ZBTB24: variants seen among roughly 807,000 people sequenced by gnomAD.
ZBTB24 encodes the protein zinc finger and BTB domain containing 24, also known as zinc finger and BTB domain-containing protein 24.
A neutral mutation model predicts 53.8 loss-of-function variants in ZBTB24; 32 were observed. That is an observed-to-expected ratio of 0.60 (90% confidence interval 0.45 to 0.80). The LOEUF is 0.80. ZBTB24 is among the 30% of genes least tolerant of loss of function. The pLI is 0.00. For synonymous variants in ZBTB24, 297 were observed against 306.7 expected, an observed-to-expected ratio of 0.97 and a Z score of 0.33; for missense variants, 722 against 837.1, an observed-to-expected ratio of 0.86 and a Z score of 1.70.
In ZBTB24 at chr6:109,482,001, G is replaced by A; in HGVS notation, c.26C>T (p.Ser9Phe). The part of the protein sequence containing the change: MAETSPEP[S>F]GQLVVHSDAH... ...GTCTGAGTGTACAACAAGCTGCCCA[G>A]AAGGCTCTGGCGATGTTTCTGCCAT... Residue 9 changes from serine to phenylalanine, a missense_variant, in exon 2 of 7, where the codon TCT becomes TTT. Ser to Phe is a radical substitution (Grantham distance 155, BLOSUM62 -2). Coordinates refer to ENST00000230122, the MANE Select transcript of ZBTB24 (RefSeq NM_014797.3). 6.2e-7 allele frequency: 1 copy of A among 1,614,208 alleles called. No homozygotes were observed. Among genetic ancestry groups the A allele is most frequent in the Non-Finnish European group, 8.5e-7 (1 of 1,180,044 alleles).
rs370325706 is a variant in ZBTB24 at position 109,476,886 on chromosome 6, G to A, written c.997C>T (p.Gln333Ter). 4 of 1,614,106 alleles carry A rather than the reference G, an allele frequency of 2.5e-6. No homozygotes were observed. Among genetic ancestry groups the A allele is most frequent in the Non-Finnish European group, 2.5e-6 (3 of 1,180,022 alleles). Reference sequence around the variant, plus strand: ...GTGTGGACCTGTAGCGAGTGCTTCTGGGCAAAGCCTTTTCCACACTCATTA... The same window carrying A: ...GTGTGGACCTGTAGCGAGTGCTTCTAGGCAAAGCCTTTTCCACACTCATTA... ...KCNECGKGFA[Q>*]KHSLQVHTRM... The change falls in exon 3 of 7, where the codon CAG (glutamine) becomes TAG (stop). Residue 333 changes from glutamine to a stop codon, truncating the protein, a stop_gained. Transcript: ENST00000230122. LOFTEE classifies it high-confidence loss of function.
chr6:109,475,749 G>T (rs1582677519), intron 4 of ZBTB24, among the ~76,000 whole-genome samples: 1 of 152,162 alleles, frequency 6.6e-6, no homozygotes. Flanking sequence ...GGCCACAAAT[G>T]ACCTCAAATG....
chr6:109,465,285 G>T lies in ZBTB24; in HGVS notation c.*566C>A. 1 of 241,238 alleles carries T rather than the reference G, an allele frequency of 4.1e-6. No homozygotes were observed. Among genetic ancestry groups the T allele is most frequent in the South Asian group, 6.9e-5 (1 of 14,410 alleles). 14.9% of individuals were successfully genotyped at this position (241,238 alleles called of 1,614,324 possible). A position where few individuals can be genotyped will look rare whatever the true frequency, so the allele number is the denominator to read the frequency against. On this transcript the variant is annotated 3_prime_UTR_variant, in exon 7 of 7. Transcript: ENST00000230122. ...GTTAACACAATAAGCCCACTGTACT[G>T]CATAAAGATAAAACGTTGAGGGTTA...
At chr6:109,472,824 C>T (rs1024751454) in intron 5 of ZBTB24, among the ~76,000 whole-genome samples, 1 of 152,150 alleles carries the variant, frequency 6.6e-6, no homozygotes, top group Non-Finnish European at 1.5e-5. Flanking sequence ...TGGCTTTTGC[C>T]TCCTCTTTCA....
At chr6:109,482,782 C>A (rs896288829) in intron 1 of ZBTB24, among the ~76,000 whole-genome samples, 3 of 152,212 alleles carry the variant, frequency 2.0e-5, no homozygotes, top group Non-Finnish European at 4.4e-5. Flanking sequence ...GCCTCCATCT[C>A]CCAGATTATT....
At chr6:109,474,666 A>G (rs570735802) in intron 5 of ZBTB24, among the ~76,000 whole-genome samples, 1 of 151,966 alleles carries the variant, frequency 6.6e-6, no homozygotes, top group Non-Finnish European at 1.5e-5. Flanking sequence ...CCCGGGAGGC[A>G]GAGGTTGCAG....
intron 2 of ZBTB24, among the ~76,000 whole-genome samples, chr6:109,480,208 C>G (rs1196413343): frequency 6.6e-6 from 1 of 152,004 alleles, no homozygotes; most frequent in East Asian, 1.9e-4. Context: ...GACTTAAGCC[C>G]CAGTCCCTAT....
At position 109,481,856 on chromosome 6, in the gene ZBTB24, G is replaced by C; in HGVS notation, c.171C>G (p.Ala57=). 3.1e-6 allele frequency: 5 copies of C among 1,614,174 alleles called. No homozygotes were observed. Among genetic ancestry groups the C allele is most frequent in the Non-Finnish European group, 4.2e-6 (5 of 1,180,038 alleles). Residue 57 remains alanine (A), a synonymous_variant, in exon 2 of 7, where the codon GCC becomes GCG. Transcript: ENST00000230122. ...ACATCATTGAGAAGTATTCACTACTGGCAGCAAGTAAGGCTTTGTGGGCCC... is the reference window on the plus strand; with the variant it reads ...ACATCATTGAGAAGTATTCACTACTCGCAGCAAGTAAGGCTTTGTGGGCCC... The part of the protein sequence containing the change: ...HFRAHKALLA[A]SSEYFSMMFA...
intron 2 of ZBTB24, among the ~76,000 whole-genome samples, chr6:109,479,370 C>T (rs994017130): frequency 6.6e-6 from 1 of 152,188 alleles, no homozygotes; most frequent in African/African-American, 2.4e-5. Flanking sequence ...CATTTACCCA[C>T]GTGACTGTGT....
chr6:109,466,558 A>G lies in ZBTB24; in HGVS notation c.1387T>C (p.Ser463Pro). The G allele has an allele frequency of 6.2e-7, 1 of 1,612,384 alleles. No homozygotes were observed. ...IRIHRGEKPY[S>P]CGICGKSFSD... ...AAGGATTTGCCACAAATGCCACAGG[A>G]GTATGGCTTTTCTCCTCTGTAAGAA... Residue 463 changes from serine (S) to proline (P), a missense_variant, in exon 7 of 7, where the codon TCC (serine) becomes CCC (proline). Coordinates refer to ENST00000230122, the MANE Select transcript of ZBTB24 (RefSeq NM_014797.3).
Position 109,472,616 on chromosome 6 carries a change from G to A in ZBTB24, c.1288+2783C>T, listed in dbSNP as rs1007074235. On this transcript the variant is annotated intron_variant, in intron 5 of 6. Coordinates refer to ENST00000230122, the MANE Select transcript of ZBTB24 (RefSeq NM_014797.3). ...GTCTCCCTAGGGAACTCAGCACAGC[G>A]CCACCCACTATTTGCAGGCACATGT... Among the ~76,000 whole-genome samples the A allele has an allele frequency of 6.8e-4, 104 of 152,186 alleles. 1 individual carries two copies. Among genetic ancestry groups the A allele is most frequent in the African/African-American group, 2.4e-3 (101 of 41,496 alleles).
intron 5 of ZBTB24, 150 bp from the exon 6 acceptor site, chr6:109,467,884 G>A: frequency 1.2e-6 from 1 of 867,028 alleles, no homozygotes; most frequent in Admixed American, 2.6e-5. Flanking sequence ...AACGAATGAT[G>A]CACTCACCAA....
chr6:109,467,530 A>C, intron 6 of ZBTB24, 123 bp downstream of exon 6: 1 of 1,566,636 alleles, frequency 6.4e-7, no homozygotes, highest in South Asian at 1.2e-5. Context: ...AAAGTAATAA[A>C]CTGCACACAA....
chr6:109,479,974 T>C (rs1249972807), intron 2 of ZBTB24, among the ~76,000 whole-genome samples: 1 of 111,804 alleles, frequency 8.9e-6, no homozygotes, highest in Admixed American at 9.0e-5. Flanking sequence ...GTTCAACAAA[T>C]ATTTCTCAAG....
In ZBTB24 at chr6:109,482,073, G is replaced by C; in HGVS notation, c.-28-19C>G. 1.3e-6 allele frequency: 2 copies of C among 1,562,590 alleles called. No homozygotes were observed. The highest frequency in any genetic ancestry group is 1.8e-6 in the Non-Finnish European group (2 of 1,135,372). Reference sequence around the variant, plus strand: ...GTTAAATCTGAAATAAGAAAACAAGGTTTAAAAAGGAGAAAGCACTGTCTA... The same window carrying C: ...GTTAAATCTGAAATAAGAAAACAAGCTTTAAAAAGGAGAAAGCACTGTCTA... On this transcript the variant is annotated intron_variant, in intron 1 of 6. Transcript: ENST00000230122.
At position 109,463,836 on chromosome 6, in the gene ZBTB24, T is replaced by G. The variant is rs1775967267; in HGVS notation, c.*2015A>C. 1 of 152,250 alleles carries G rather than the reference T, an allele frequency of 6.6e-6. No homozygotes were observed. The highest frequency in any genetic ancestry group is 1.5e-5 in the Non-Finnish European group (1 of 68,040). 9.4% of individuals were successfully genotyped at this position (152,250 alleles called of 1,614,324 possible). On this transcript the variant is annotated 3_prime_UTR_variant, in exon 7 of 7. Coordinates refer to ENST00000230122, the MANE Select transcript of ZBTB24 (RefSeq NM_014797.3). ...ACTTTTATTAACATTTTCACCTGCT[T>G]CTTTTTATGTTTTTAAAAGTTGCTA...
intron 6 of ZBTB24, among the ~76,000 whole-genome samples, chr6:109,467,298 G>A (rs1448621105): frequency 2.0e-5 from 3 of 152,050 alleles, no homozygotes. Flanking sequence ...CCAGGCAGGC[G>A]GATCACTTGA....
At chr6:109,469,977 A>C (rs1776131958) in intron 5 of ZBTB24, among the ~76,000 whole-genome samples, 1 of 152,218 alleles carries the variant, frequency 6.6e-6, no homozygotes, top group Non-Finnish European at 1.5e-5. Context: ...AGCCTCTGGA[A>C]GTTTTTAGCA....
At chr6:109,472,639 T>C (rs1242056508) in intron 5 of ZBTB24, among the ~76,000 whole-genome samples, 2 of 152,150 alleles carry the variant, frequency 1.3e-5, no homozygotes, top group Non-Finnish European at 2.9e-5. Flanking sequence ...TGCAGGCACA[T>C]GTGCACCTGT....
Sources: gnomAD v4.1 joint callset for allele counts (sites outside exome capture counted in the v4.1 genomes callset) on GRCh38, gnomAD v4.1.1 for gene constraint, MANE v1.5 for transcripts, NCBI Gene and HGNC (gene_info 2026-07-23, HGNC 2026-07-21) for gene names.